ADAMTS9: variants seen among roughly 807,000 people sequenced by gnomAD.
The protein encoded by ADAMTS9 is ADAM metallopeptidase with thrombospondin type 1 motif 9.
Under a neutral mutation model 257.1 loss-of-function variants are expected in ADAMTS9, and 107 were observed. That is an observed-to-expected ratio of 0.42 (90% CI 0.36 to 0.49). The LOEUF is 0.49. ADAMTS9 is among the 20% of genes least tolerant of loss of function. The pLI, the probability that ADAMTS9 is intolerant of heterozygous loss-of-function variation, is 0.03. For synonymous variants in ADAMTS9, 982 were observed against 880.9 expected (o/e 1.11, Z -2.03); for missense variants, 2,353 against 2,469.1 (o/e 0.95, Z 1.00).
At chr3:64,602,339 C>G in intron 25 of ADAMTS9, 126 bp from the exon 26 acceptor site, 1 of 1,033,026 alleles carries the variant, frequency 9.7e-7, no homozygotes, top group African/African-American at 1.6e-5. Flanking sequence ...ACCTTGGAAT[C>G]ACCCTTGTCT....
At chr3:64,520,454 A>G (rs2082835010) in intron 39 of ADAMTS9, among the ~76,000 whole-genome samples, 1 of 152,220 alleles carries the variant, frequency 6.6e-6, no homozygotes, top group African/African-American at 2.4e-5. Context: ...TAAAATTGAT[A>G]TGGAACCAAA....
At chr3:64,649,325 C>T (rs9845903) in intron 10 of ADAMTS9, among the ~76,000 whole-genome samples, 29,120 of 152,104 alleles carry the variant, frequency 0.19, 3,857 homozygotes, top group East Asian at 0.58. Context: ...AAAAGCTGAG[C>T]TCTGTAATTC....
At chr3:64,672,713 C>T (rs928020982) in intron 3 of ADAMTS9, among the ~76,000 whole-genome samples, 29 of 152,114 alleles carry the variant, frequency 1.9e-4, no homozygotes, top group African/African-American at 5.6e-4. Context: ...TTGGGGAATA[C>T]GCATATTTCA....
chr3:64,682,663 A>C (rs1258142343), intron 2 of ADAMTS9, among the ~76,000 whole-genome samples: 1 of 152,232 alleles, frequency 6.6e-6, no homozygotes, highest in Non-Finnish European at 1.5e-5. Flanking sequence ...CTCCCTGAAC[A>C]TCAGCAGCTG....
chr3:64,543,531 AATAG>A (rs2083155382), intron 32 of ADAMTS9, among the ~76,000 whole-genome samples: 2 of 152,226 alleles, frequency 1.3e-5, no homozygotes, highest in African/African-American at 4.8e-5. Context: ...TGATTATCTC[AATAG>A]ATGCAGAAAA....
rs1179209740 is a variant in ADAMTS9, at chr3:64,681,282, G to C, written c.598C>G (p.Gln200Glu). Residue 200 changes from glutamine (Q) to glutamate (E), a missense_variant, in exon 3 of 40, where the codon CAA becomes GAA. This residue lies in a region of ADAMTS9 where 591 missense variants were observed against 569.6 expected (regional missense o/e 1.04). Coordinates refer to ENST00000498707, the MANE Select transcript of ADAMTS9 (RefSeq NM_182920.2). ...CTATAAATGATGTGGGGTTTGTTTT[G>C]TTCCTCTTCATCTTCTTGTTCATCC... ...SMDEQEDEEEQNKPHIIYRRS... is the reference protein window; with the variant it reads ...SMDEQEDEEEENKPHIIYRRS... The C allele has an allele frequency of 1.2e-6, 2 of 1,614,004 alleles. No individual in the cohort carries two copies. The highest frequency in any genetic ancestry group is 2.7e-5 in the African/African-American group (2 of 75,008).
At chr3:64,663,467 AT>A (rs1701274923) in intron 3 of ADAMTS9, among the ~76,000 whole-genome samples, 2 of 150,546 alleles carry the variant, frequency 1.3e-5, no homozygotes, top group African/African-American at 2.4e-5. Flanking sequence ...GGAAAAACAA[AT>A]GTACTATCAG....
chr3:64,531,116 A>G (rs1227820790), intron 38 of ADAMTS9, among the ~76,000 whole-genome samples: 1 of 152,172 alleles, frequency 6.6e-6, no homozygotes, highest in Non-Finnish European at 1.5e-5. Context: ...ATCGGATTTG[A>G]GGACATTGAT....
chr3:64,551,500 C>G (rs796717865), intron 30 of ADAMTS9, among the ~76,000 whole-genome samples: 1 of 152,182 alleles, frequency 6.6e-6, no homozygotes, highest in Admixed American at 6.5e-5. Flanking sequence ...TGAGCCACCA[C>G]TCCCGGCCGA....
chr3:64,644,245 T>C (rs1307850237), intron 11 of ADAMTS9, among the ~76,000 whole-genome samples: 2 of 152,178 alleles, frequency 1.3e-5, no homozygotes, highest in Non-Finnish European at 2.9e-5. Flanking sequence ...GGTACTATTA[T>C]TACTTCCATT....
rs149451943 is a variant in ADAMTS9 at position 64,566,015 on chromosome 3, T to C, written c.4524+2353A>G. Among the ~76,000 whole-genome samples the C allele has an allele frequency of 7.2e-5, 11 of 152,340 alleles. No homozygotes were observed. The East Asian group carries it at 2.1e-3, about 29-fold the overall frequency. On this transcript the variant is annotated intron_variant, in intron 29 of 39. Transcript: ENST00000498707. ...CTATCCGAATATCCTATATATCATA[T>C]TATCATCAGACCTTTCGATGTGATG...
chr3:64,589,794 G>C (rs1461058006), intron 28 of ADAMTS9: 1 of 152,100 alleles, frequency 6.6e-6, no homozygotes, highest in African/African-American at 2.4e-5. Context: ...AAAAGGGTAG[G>C]CTCTCTTGAA....
intron 37 of ADAMTS9, among the ~76,000 whole-genome samples, chr3:64,535,292 T>C (rs1004085149): frequency 2.0e-5 from 3 of 152,018 alleles, no homozygotes; most frequent in Non-Finnish European, 2.9e-5. Context: ...GGCAGGAGAA[T>C]AGCTTGAAGG....
At chr3:64,600,573 C>T (rs1257124118) in intron 26 of ADAMTS9, among the ~76,000 whole-genome samples, 2 of 152,222 alleles carry the variant, frequency 1.3e-5, no homozygotes, top group Non-Finnish European at 2.9e-5. Flanking sequence ...TTAGACTACA[C>T]ATGTGTGAGT....
intron 19 of ADAMTS9, among the ~76,000 whole-genome samples, chr3:64,617,982 T>C (rs1700006739): frequency 6.6e-6 from 1 of 152,190 alleles, no homozygotes; most frequent in Non-Finnish European, 1.5e-5. Context: ...GACTGTCAGT[T>C]TGATAGATGC....
intron 16 of ADAMTS9, among the ~76,000 whole-genome samples, chr3:64,624,362 A>G (rs1035990484): frequency 6.6e-6 from 1 of 152,180 alleles, no homozygotes; most frequent in African/African-American, 2.4e-5. Flanking sequence ...TGATAGATAC[A>G]TTAATTAGGT....
intron 29 of ADAMTS9, among the ~76,000 whole-genome samples, chr3:64,566,444 C>G (rs1298608568): frequency 6.6e-6 from 1 of 152,146 alleles, no homozygotes; most frequent in Non-Finnish European, 1.5e-5. Flanking sequence ...GGTGACTTGA[C>G]TTTTCCGAGC....
intron 3 of ADAMTS9, among the ~76,000 whole-genome samples, chr3:64,676,761 A>T (rs771050662): frequency 6.6e-6 from 1 of 152,230 alleles, no homozygotes; most frequent in Non-Finnish European, 1.5e-5. Flanking sequence ...ACACCTTTAC[A>T]CAATTGTCTG....
intron 36 of ADAMTS9, 43 bp downstream of exon 36, chr3:64,541,052 G>A (rs1559753767): frequency 1.2e-6 from 2 of 1,609,432 alleles, no homozygotes; most frequent in Middle Eastern, 1.7e-4. Flanking sequence ...TCTGAATGGA[G>A]AGAAGAACGC....
Sources: allele counts gnomAD v4.1 joint callset (sites outside exome capture counted in the v4.1 genomes callset), GRCh38; gene constraint gnomAD v4.1.1; regional missense constraint gnomAD v4.1.1; transcripts MANE v1.5; gene names NCBI Gene and HGNC (gene_info 2026-07-23, HGNC 2026-07-21).